Variants in GRM4 observed in about 807,000 individuals in gnomAD.
The protein encoded by GRM4 is glutamate metabotropic receptor 4.
A neutral mutation model predicts 81.7 loss-of-function variants in GRM4; 28 were observed. The observed-to-expected ratio is 0.34, with a 90% CI of 0.25 to 0.47. GRM4 has a LOEUF of 0.47. Among genes scored for constraint, GRM4 ranks in the 20% least tolerant of loss-of-function variants. GRM4 has a pLI of 1.00. For missense variants in GRM4, 948 were observed against 1,290.0 expected, an observed-to-expected ratio of 0.73 and a Z score of 4.06; for synonymous variants, 488 against 528.8, an observed-to-expected ratio of 0.92 and a Z score of 1.06.
rs116608079 is a variant in GRM4, at chr6:34,023,868, C to T, written c.2690-998G>A. ...GACCCTTGGTTTTGTCCTGTCTAGC[C>T]AGGGTTTAGGGCCTCCCTCAGTGGC... On this transcript the variant is annotated intron_variant, in intron 10 of 10. Coordinates refer to ENST00000538487, the MANE Select transcript of GRM4 (RefSeq NM_000841.4). 4.2e-3 allele frequency among the ~76,000 whole-genome samples: 643 copies of T among 152,312 alleles called. 3 individuals carry two copies. Among genetic ancestry groups the T allele is most frequent in the African/African-American group, 0.015 (613 of 41,568 alleles).
At chr6:34,031,969 TCACA>T (rs770442831) in intron 9 of GRM4, among the ~76,000 whole-genome samples, 1 of 150,304 alleles carries the variant, frequency 6.7e-6, no homozygotes, top group Non-Finnish European at 1.5e-5. Flanking sequence ...TCTCTCTCTC[TCACA>T]CACACACAAA....
At chr6:34,045,032 CCCA>C (rs1195875771) in intron 6 of GRM4, among the ~76,000 whole-genome samples, 2 of 152,050 alleles carry the variant, frequency 1.3e-5, no homozygotes, top group Admixed American at 6.5e-5. Flanking sequence ...CACACACACC[CCCA>C]CCACACCACA....
chr6:34,085,962 C>T (rs565198636), intron 3 of GRM4, among the ~76,000 whole-genome samples: 2 of 152,266 alleles, frequency 1.3e-5, no homozygotes, highest in South Asian at 2.1e-4. Flanking sequence ...CCAGCCCGTG[C>T]AAAGGCCCTG....
intron 3 of GRM4, among the ~76,000 whole-genome samples, chr6:34,067,013 G>A (rs1766500566): frequency 6.6e-6 from 1 of 151,994 alleles, no homozygotes; most frequent in Non-Finnish European, 1.5e-5. Flanking sequence ...CACCTGCCTG[G>A]GGCTGCCCCT....
chr6:34,025,179 A>G (rs138964468), intron 10 of GRM4, among the ~76,000 whole-genome samples: 58 of 152,114 alleles, frequency 3.8e-4, no homozygotes, highest in Non-Finnish European at 6.5e-4. Context: ...TGCCTAGACT[A>G]CTTCTCCTGA....
At chr6:34,049,701 C>A (rs953767701) in intron 6 of GRM4, among the ~76,000 whole-genome samples, 4 of 152,138 alleles carry the variant, frequency 2.6e-5, no homozygotes, top group Admixed American at 1.3e-4. Flanking sequence ...TCTCCTTGTT[C>A]CAGCAGAGAA....
intron 3 of GRM4, among the ~76,000 whole-genome samples, chr6:34,067,116 C>T (rs1766507108): frequency 6.6e-6 from 1 of 152,176 alleles, no homozygotes; most frequent in Admixed American, 6.5e-5. Context: ...CTGGAACCGT[C>T]ACCACCCCAG....
At chr6:34,044,218 A>G in intron 6 of GRM4, among the ~76,000 whole-genome samples, 1 of 138,344 alleles carries the variant, frequency 7.2e-6, no homozygotes, top group African/African-American at 3.0e-5. Flanking sequence ...ACATACATAC[A>G]CATATATACA....
Position 34,133,926 on chromosome 6 carries a change from C to A in GRM4, c.-363-67G>T. ...CAAAGAAGACATTAGCTAGTCTCATCTCTCATCAGGAGCCTGAGAGAAGGA... is the reference window on the plus strand; with the variant it reads ...CAAAGAAGACATTAGCTAGTCTCATATCTCATCAGGAGCCTGAGAGAAGGA... On this transcript the variant is annotated intron_variant, in intron 1 of 10. Coordinates refer to ENST00000538487, the MANE Select transcript of GRM4 (RefSeq NM_000841.4). This position sits in a 1 kb window ranked among gnomAD's most constrained non-coding sequence, Gnocchi z 6.5. 5 of 693,838 alleles carry A rather than the reference C, an allele frequency of 7.2e-6. No individual in the cohort carries two copies. In the South Asian group the frequency reaches 3.3e-4, roughly 46 times the overall value. The allele number at this position is 693,838 out of a possible 1,614,324, so 43.0% of individuals were successfully genotyped here. A position where few individuals can be genotyped will look rare whatever the true frequency, so the allele number is the denominator to read the frequency against.
chr6:34,046,657 C>T (rs1295641208), intron 6 of GRM4, among the ~76,000 whole-genome samples: 1 of 152,214 alleles, frequency 6.6e-6, no homozygotes, highest in Non-Finnish European at 1.5e-5. Flanking sequence ...GCATGAGCCC[C>T]ATTGGTGCAC....
intron 1 of GRM4, among the ~76,000 whole-genome samples, chr6:34,143,801 T>A (rs997416868): frequency 6.6e-6 from 1 of 151,838 alleles, no homozygotes; most frequent in African/African-American, 2.4e-5. Context: ...TGGGATGGGG[T>A]GCTCCGTATG....
intron 5 of GRM4, among the ~76,000 whole-genome samples, chr6:34,058,620 A>G (rs2395554): frequency 0.33 from 50,381 of 151,972 alleles, 10,665 homozygotes; most frequent in African/African-American, 0.6. Flanking sequence ...CAACCTCAGC[A>G]CCATCCTGGG....
At chr6:34,104,265 T>C (rs1416736349) in intron 2 of GRM4, among the ~76,000 whole-genome samples, 1 of 152,074 alleles carries the variant, frequency 6.6e-6, no homozygotes, top group African/African-American at 2.4e-5. Context: ...AGGGTGGGCT[T>C]CCCCGGGGCT....
At chr6:34,117,909 C>T (rs1051008537) in intron 2 of GRM4, among the ~76,000 whole-genome samples, 6 of 152,132 alleles carry the variant, frequency 3.9e-5, no homozygotes, top group Non-Finnish European at 7.3e-5. Flanking sequence ...CAGCCACCAG[C>T]GAGACATAGT....
Position 34,071,306 on chromosome 6 carries a change from CAG to C in GRM4, c.737-9280_737-9279del, listed in dbSNP as rs1159608956. ...TACACACCACACACACACATCACCA[CAG>C]AGATACACACCACACACACACATCA... On this transcript the variant is annotated intron_variant, in intron 3 of 10. Coordinates refer to ENST00000538487, the MANE Select transcript of GRM4 (RefSeq NM_000841.4). 1.1e-4 allele frequency among the ~76,000 whole-genome samples: 15 copies of C among 138,310 alleles called. No homozygotes were observed. The East Asian group carries it at 3.2e-3, about 29-fold the overall frequency. The allele number at this position is 138,310 out of a possible 152,430, so 90.7% of individuals were successfully genotyped here. A position where few individuals can be genotyped will look rare whatever the true frequency, so the allele number is the denominator to read the frequency against.
At chr6:34,025,311 C>T (rs1278859367) in intron 10 of GRM4, among the ~76,000 whole-genome samples, 1 of 152,106 alleles carries the variant, frequency 6.6e-6, no homozygotes, top group Non-Finnish European at 1.5e-5. Flanking sequence ...CCCAGAGCTC[C>T]GTCACCCCCT....
chr6:34,134,699 C>T (rs534480992), intron 1 of GRM4, among the ~76,000 whole-genome samples: 1 of 141,070 alleles, frequency 7.1e-6, no homozygotes, highest in South Asian at 2.6e-4. Flanking sequence ...CTTTCTTCAT[C>T]TCTCCATCTC....
At chr6:34,097,386 G>A (rs998978846) in intron 2 of GRM4, among the ~76,000 whole-genome samples, 3 of 152,104 alleles carry the variant, frequency 2.0e-5, no homozygotes, top group Non-Finnish European at 2.9e-5. Flanking sequence ...GTGTGTGTGT[G>A]AGCATGGTGC....
chr6:34,056,533 C>A lies in GRM4; in HGVS notation c.1168+11G>T. ...AGAGCCCGCCCGGCCCTGCCCGGCC[C>A]GCGTGCTCACTGGTGCACTTCTTGA... On this transcript the variant is annotated intron_variant, in intron 6 of 10. Transcript: ENST00000538487. 6.2e-7 allele frequency: 1 copy of A among 1,610,024 alleles called. No homozygotes were observed. The highest frequency in any genetic ancestry group is 8.5e-7 in the Non-Finnish European group (1 of 1,178,314).
Sources: allele counts gnomAD v4.1 joint callset (sites outside exome capture counted in the v4.1 genomes callset), GRCh38; gene constraint gnomAD v4.1.1; non-coding constraint Gnocchi (gnomAD v3.1); transcripts MANE v1.5; gene names NCBI Gene and HGNC (gene_info 2026-07-23, HGNC 2026-07-21).